The following CNTNAP2 variants were observed in gnomAD, a reference collection of about 807,000 sequenced individuals.
CNTNAP2 encodes contactin associated protein 2, also known as contactin-associated protein-like 2.
A neutral mutation model predicts 155.2 loss-of-function variants in CNTNAP2; 98 were observed. That is an observed-to-expected ratio of 0.63 (90% CI 0.54 to 0.75). The LOEUF (loss-of-function observed/expected upper bound fraction) is 0.75, where lower values mean the gene tolerates loss of function less well. CNTNAP2 is among the 30% of genes least tolerant of loss of function. The pLI is 0.00. For missense variants in CNTNAP2, 1,727 were observed against 1,688.1 expected, an observed-to-expected ratio of 1.02 and a Z score of -0.40; for synonymous variants, 651 against 631.2, an observed-to-expected ratio of 1.03 and a Z score of -0.47.
intron 14 of CNTNAP2, among the ~76,000 whole-genome samples, chr7:147,952,306 G>A (rs1249382663): frequency 8.5e-6 from 1 of 117,246 alleles, no homozygotes; most frequent in African/African-American, 3.0e-5. Flanking sequence ...GCTGGGTGTG[G>A]TGGTGGATGC....
At chr7:146,319,337 T>C (rs1800961413) in intron 1 of CNTNAP2, among the ~76,000 whole-genome samples, 1 of 152,154 alleles carries the variant, frequency 6.6e-6, no homozygotes, top group African/African-American at 2.4e-5. Flanking sequence ...AATTACACAT[T>C]GATAAAGGGA....
chr7:147,742,041 G>A (rs1378663085), intron 13 of CNTNAP2, among the ~76,000 whole-genome samples: 2 of 152,158 alleles, frequency 1.3e-5, no homozygotes, highest in Non-Finnish European at 2.9e-5. Flanking sequence ...AGAGAGGAGA[G>A]CTTATGCAGG....
At chr7:147,461,922 T>C (rs915888009) in intron 10 of CNTNAP2, among the ~76,000 whole-genome samples, 1 of 152,204 alleles carries the variant, frequency 6.6e-6, no homozygotes, top group Non-Finnish European at 1.5e-5. Context: ...ACAATATCTT[T>C]CCAATATTTA....
chr7:147,217,824 A>G lies in CNTNAP2; in HGVS notation c.1349-82317A>G, dbSNP rs73740599. Among the ~76,000 whole-genome samples, 828 of 152,162 alleles carry G rather than the reference A, an allele frequency of 5.4e-3. 8 individuals carry two copies. Among genetic ancestry groups the G allele is most frequent in the African/African-American group, 0.019 (790 of 41,572 alleles). On this transcript the variant is annotated intron_variant, in intron 8 of 23. Transcript: ENST00000361727. ...TATTAATAATTGCTTTAATTTATTA[A>G]ATACATATAGACCTATTCAAATTCT...
intron 9 of CNTNAP2, among the ~76,000 whole-genome samples, chr7:147,305,129 G>A (rs1795005081): frequency 6.6e-6 from 1 of 152,066 alleles, no homozygotes; most frequent in Non-Finnish European, 1.5e-5. Flanking sequence ...TGTGAATTTT[G>A]AGGGACACAA....
At position 146,898,608 on chromosome 7, in the gene CNTNAP2, C is replaced by A. The variant is rs538440602; in HGVS notation, c.402+58704C>A. 6.6e-5 allele frequency among the ~76,000 whole-genome samples: 10 copies of A among 151,982 alleles called. No homozygotes were observed. In the South Asian group the frequency reaches 1.5e-3, roughly 22 times the overall value. ...AGTGTATAAACTACCACATTATAAC[C>A]GCAAGCTGTATTGAAAAATAAATAT... On this transcript the variant is annotated intron_variant, in intron 3 of 23. Coordinates refer to ENST00000361727, the MANE Select transcript of CNTNAP2 (RefSeq NM_014141.6).
intron 1 of CNTNAP2, among the ~76,000 whole-genome samples, chr7:146,457,969 T>A (rs1382083938): frequency 6.6e-6 from 1 of 152,162 alleles, no homozygotes; most frequent in Admixed American, 6.5e-5. Flanking sequence ...CTACTTAAAC[T>A]ATCCATAAAA....
intron 1 of CNTNAP2, among the ~76,000 whole-genome samples, chr7:146,201,665 TGTG>T (rs1454527877): frequency 6.6e-6 from 1 of 151,880 alleles, no homozygotes; most frequent in African/African-American, 2.4e-5. Context: ...TGTGTGTGTG[TGTG>T]TGTGTGTGAA....
intron 17 of CNTNAP2, among the ~76,000 whole-genome samples, chr7:148,171,603 C>T (rs1009062573): frequency 1.3e-5 from 2 of 152,142 alleles, no homozygotes; most frequent in African/African-American, 2.4e-5. Context: ...TGCTATATGT[C>T]GTGTAATGAC....
chr7:146,316,439 C>G (rs1800906229), intron 1 of CNTNAP2, among the ~76,000 whole-genome samples: 1 of 151,936 alleles, frequency 6.6e-6, no homozygotes, highest in South Asian at 2.1e-4. Context: ...GTTTGGGATC[C>G]TGATGAGTCA....
intron 1 of CNTNAP2, among the ~76,000 whole-genome samples, chr7:146,237,560 G>A (rs976315545): frequency 2.6e-5 from 4 of 152,102 alleles, no homozygotes; most frequent in African/African-American, 9.7e-5. Flanking sequence ...AATTATTTTT[G>A]CTTTCTTAGC....
At chr7:148,339,968 T>C (rs999962281) in intron 21 of CNTNAP2, among the ~76,000 whole-genome samples, 6 of 118,872 alleles carry the variant, frequency 5.0e-5, no homozygotes, top group Non-Finnish European at 1.0e-4. Flanking sequence ...GAGTGCTCCT[T>C]CGTGCAGTGT....
chr7:147,132,168 A>G, intron 7 of CNTNAP2, 77 bp from the exon 8 acceptor site: 1 of 1,578,082 alleles, frequency 6.3e-7, no homozygotes, highest in Non-Finnish European at 8.7e-7. Context: ...TTGTAGAACT[A>G]TACTTTCATC....
Position 147,062,171 on chromosome 7 carries a change from C to A in CNTNAP2, c.550+18117C>A, listed in dbSNP as rs1172203858. On this transcript the variant is annotated intron_variant, in intron 4 of 23. Coordinates refer to ENST00000361727, the MANE Select transcript of CNTNAP2 (RefSeq NM_014141.6). ...AAAAAAAAAAAAAAAAAAAAAAAAA[C>A]CAGTTCTTTATGATATATATAAAAT... 3.2e-3 allele frequency among the ~76,000 whole-genome samples: 247 copies of A among 77,574 alleles called. 1 individual carries two copies. The highest frequency in any genetic ancestry group is 5.4e-3 in the African/African-American group (103 of 19,158). 50.9% of individuals were successfully genotyped at this position (77,574 alleles called of 152,430 possible).
At chr7:146,831,873 A>C (rs1275010955) in intron 2 of CNTNAP2, among the ~76,000 whole-genome samples, 3 of 151,956 alleles carry the variant, frequency 2.0e-5, no homozygotes, top group Admixed American at 2.0e-4. Flanking sequence ...TGATAGTATT[A>C]TATCTTCTTT....
At chr7:147,819,449 A>G (rs1784137838) in intron 13 of CNTNAP2, among the ~76,000 whole-genome samples, 1 of 151,974 alleles carries the variant, frequency 6.6e-6, no homozygotes, top group Admixed American at 6.6e-5. Flanking sequence ...CCAGATCTTG[A>G]TCCTCATTTT....
At chr7:147,246,381 A>G (rs1804069438) in intron 8 of CNTNAP2, among the ~76,000 whole-genome samples, 1 of 152,126 alleles carries the variant, frequency 6.6e-6, no homozygotes, top group African/African-American at 2.4e-5. Flanking sequence ...TAGTTTCTCC[A>G]GGCTTCTATA....
chr7:147,986,540 G>C (rs1229229390), intron 15 of CNTNAP2, among the ~76,000 whole-genome samples: 2 of 152,184 alleles, frequency 1.3e-5, no homozygotes, highest in Admixed American at 1.3e-4. Context: ...TCATTTTACA[G>C]ATCAGGGGTC....
chr7:146,223,061 G>A lies in CNTNAP2; in HGVS notation c.97+106088G>A, dbSNP rs200743405. On this transcript the variant is annotated intron_variant, in intron 1 of 23. Transcript: ENST00000361727. ...ATGATGCCTATATGTGCCAGGCACT[G>A]TTGTAATCATTTTATACACACTAAC... Among the ~76,000 whole-genome samples the A allele has an allele frequency of 5.9e-5, 9 of 152,138 alleles. No individual in the cohort carries two copies. The East Asian group carries it at 1.4e-3, about 23-fold the overall frequency.
Sources: gnomAD v4.1 joint callset for allele counts (sites outside exome capture counted in the v4.1 genomes callset) on GRCh38, gnomAD v4.1.1 for gene constraint, MANE v1.5 for transcripts, NCBI Gene and HGNC (gene_info 2026-07-23, HGNC 2026-07-21) for gene names.